The following RELN variants were observed in gnomAD, a reference collection of about 807,000 sequenced individuals.
RELN encodes reelin.
Under a neutral mutation model 427.6 loss-of-function variants are expected in RELN, and 108 were observed. The ratio of observed to expected loss-of-function variants is 0.25; its 90% CI spans 0.22 to 0.30. The LOEUF (loss-of-function observed/expected upper bound fraction) is 0.30. Among genes scored for constraint, RELN ranks in the 10% least tolerant of loss-of-function variants. The pLI is 1.00. For missense variants in RELN, 3,715 were observed against 4,302.8 expected (o/e 0.86, Z 3.82); for synonymous variants, 1,524 against 1,513.4 (o/e 1.01, Z -0.16).
chr7:103,483,122 T>C, intron 62 of RELN, 151 bp from the exon 63 acceptor site: 1 of 704,162 alleles, frequency 1.4e-6, no homozygotes, highest in Non-Finnish European at 2.5e-6. Flanking sequence ...CATAGTATTC[T>C]TCTGAGCAGC....
intron 3 of RELN, among the ~76,000 whole-genome samples, chr7:103,818,839 ATG>A (rs1480019917): frequency 2.6e-5 from 4 of 152,126 alleles, no homozygotes; most frequent in African/African-American, 4.8e-5. Flanking sequence ...AGAAAATAGA[ATG>A]TATAATAGAA....
intron 1 of RELN, among the ~76,000 whole-genome samples, chr7:103,954,355 G>A (rs1019009561): frequency 2.0e-5 from 3 of 152,276 alleles, no homozygotes; most frequent in Admixed American, 6.5e-5. Flanking sequence ...GTATGCTATC[G>A]TGATAGGCAC....
At position 103,510,910 on chromosome 7, in the gene RELN, C is replaced by G. The variant is rs151110176; in HGVS notation, c.8215G>C (p.Glu2739Gln). The change falls in exon 51 of 65, where the codon GAG becomes CAG. Residue 2739 changes from glutamate to glutamine, a missense_variant. By Grantham distance (29) the Glu-to-Gln change is conservative (BLOSUM62 2). Coordinates refer to ENST00000428762, the MANE Select transcript of RELN (RefSeq NM_005045.4). ...VMLCGSHDGR[E>Q]VYAVTHDLTP... ...AGGTCATGGGTCACTGCATACACCTCCCGTCCATCATGACTGCCACAGAGC... is the reference window on the plus strand; with the variant it reads ...AGGTCATGGGTCACTGCATACACCTGCCGTCCATCATGACTGCCACAGAGC... 7.4e-6 allele frequency: 12 copies of G among 1,613,260 alleles called. No homozygotes were observed. In the African/African-American group the frequency reaches 1.6e-4, roughly 22 times the overall value.
At chr7:103,799,960 A>G (rs995575085) in intron 3 of RELN, among the ~76,000 whole-genome samples, 1 of 152,194 alleles carries the variant, frequency 6.6e-6, no homozygotes, top group Non-Finnish European at 1.5e-5. Context: ...GCTTCGAAAA[A>G]ATTCCAAGGT....
chr7:103,724,174 T>G (rs1188488470), intron 7 of RELN, among the ~76,000 whole-genome samples: 1 of 83,540 alleles, frequency 1.2e-5, no homozygotes, highest in Non-Finnish European at 2.7e-5. Flanking sequence ...TTTTGCTGCT[T>G]TTTTTTTTCG....
intron 17 of RELN, among the ~76,000 whole-genome samples, chr7:103,638,156 G>A (rs1239854352): frequency 6.6e-6 from 1 of 152,100 alleles, no homozygotes; most frequent in Non-Finnish European, 1.5e-5. Flanking sequence ...GGTATGACAC[G>A]AGGCTCTCCT....
chr7:103,967,357 T>C (rs1563116187), intron 1 of RELN, among the ~76,000 whole-genome samples: 1 of 152,036 alleles, frequency 6.6e-6, no homozygotes, highest in Non-Finnish European at 1.5e-5. Context: ...ATCAAGGGGC[T>C]CCTGATGTTG....
chr7:103,610,421 A>C (rs543583937), intron 22 of RELN, among the ~76,000 whole-genome samples: 57 of 152,294 alleles, frequency 3.7e-4, no homozygotes, highest in South Asian at 1.7e-3. Flanking sequence ...TCTCCCATAA[A>C]AAGAAAAAGC....
chr7:103,502,288 G>T (rs1311763701), intron 52 of RELN, among the ~76,000 whole-genome samples: 2 of 152,154 alleles, frequency 1.3e-5, no homozygotes, highest in Non-Finnish European at 2.9e-5. Flanking sequence ...TAATATCTAT[G>T]GGACACTGGG....
rs146341275 is a variant in RELN at position 103,870,097 on chromosome 7, T to C, written c.338-36425A>G. On this transcript the variant is annotated intron_variant, in intron 2 of 64. Transcript: ENST00000428762. ...TTTCGGTTTGGTTTTTTTATTACAG[T>C]TTATTTTTCTCCTAAGATTCTCTAT... Among the ~76,000 whole-genome samples the C allele has an allele frequency of 5.2e-3, 789 of 152,162 alleles. 6 individuals are homozygous for C. Among genetic ancestry groups the C allele is most frequent in the African/African-American group, 0.018 (742 of 41,530 alleles).
In RELN at chr7:103,644,005, A is replaced by G. The variant is rs550713439; in HGVS notation, c.2003-3396T>C. ...TTGATAAAGCCACTACACTAAGGATATCTATAACCAATGAACTCATAGAGA... is the reference window on the plus strand; with the variant it reads ...TTGATAAAGCCACTACACTAAGGATGTCTATAACCAATGAACTCATAGAGA... On this transcript the variant is annotated intron_variant, in intron 16 of 64. Transcript: ENST00000428762. Among the ~76,000 whole-genome samples, 23 of 152,102 alleles carry G rather than the reference A, an allele frequency of 1.5e-4. No individual in the cohort carries two copies. The East Asian group carries it at 2.9e-3, about 19-fold the overall frequency.
chr7:103,739,065 A>C (rs951242384), intron 6 of RELN, among the ~76,000 whole-genome samples: 3 of 152,196 alleles, frequency 2.0e-5, no homozygotes, highest in Non-Finnish European at 4.4e-5. Context: ...TTATTGCCGA[A>C]TGTTAATAGT....
At chr7:103,481,874 G>T (rs1445732168) in intron 63 of RELN, 2 of 152,146 alleles carry the variant, frequency 1.3e-5, no homozygotes, top group Non-Finnish European at 1.5e-5. Flanking sequence ...CTTCAACTTT[G>T]TCTTGTGGAG....
At chr7:103,899,652 C>A (rs765554714) in intron 2 of RELN, among the ~76,000 whole-genome samples, 2 of 151,964 alleles carry the variant, frequency 1.3e-5, no homozygotes, top group Admixed American at 6.6e-5. Flanking sequence ...ACAACATACA[C>A]AAATTAATAA....
intron 3 of RELN, among the ~76,000 whole-genome samples, chr7:103,802,647 T>A (rs1792497548): frequency 6.6e-6 from 1 of 152,142 alleles, no homozygotes; most frequent in African/African-American, 2.4e-5. Flanking sequence ...ATTAAATCCC[T>A]AAGAAAATAA....
At chr7:103,596,391 T>G in intron 25 of RELN, 65 bp downstream of exon 25, 3 of 1,404,450 alleles carry the variant, frequency 2.1e-6, no homozygotes, top group Non-Finnish European at 3.0e-6. Flanking sequence ...TGGAAACACA[T>G]CAACAATGAT....
chr7:103,912,681 A>C (rs1225583431), intron 2 of RELN, among the ~76,000 whole-genome samples: 8 of 152,168 alleles, frequency 5.3e-5, no homozygotes, highest in African/African-American at 1.7e-4. Flanking sequence ...ATTTGGCTGC[A>C]TTCATCAGAC....
intron 11 of RELN, among the ~76,000 whole-genome samples, chr7:103,671,578 T>C (rs1182939523): frequency 6.6e-6 from 1 of 152,166 alleles, no homozygotes; most frequent in Non-Finnish European, 1.5e-5. Flanking sequence ...TATTTTCATT[T>C]TAAAATAAGT....
chr7:103,940,289 G>A (rs991444934), intron 1 of RELN, among the ~76,000 whole-genome samples: 2 of 152,096 alleles, frequency 1.3e-5, no homozygotes, highest in Non-Finnish European at 2.9e-5. Context: ...GTAAAAGAGG[G>A]TTACTGTGAT....
Sources: gnomAD v4.1 joint callset for allele counts (sites outside exome capture counted in the v4.1 genomes callset) on GRCh38, gnomAD v4.1.1 for gene constraint, MANE v1.5 for transcripts, NCBI Gene and HGNC (gene_info 2026-07-23, HGNC 2026-07-21) for gene names.